The following ZCCHC10 variants were observed in gnomAD, a reference collection of about 807,000 sequenced individuals.
ZCCHC10 encodes zinc finger CCHC domain-containing protein 10.
Under a neutral mutation model 19.5 loss-of-function variants are expected in ZCCHC10, and 16 were observed. That is an observed-to-expected ratio of 0.82 (90% CI 0.56 to 1.25). The LOEUF (loss-of-function observed/expected upper bound fraction) is 1.25, where lower values mean the gene tolerates loss of function less well. Ranked by LOEUF, ZCCHC10 falls within the 50% of genes most tolerant of loss-of-function variation. ZCCHC10 has a pLI of 0.00. For missense variants in ZCCHC10, 197 were observed against 201.0 expected, an observed-to-expected ratio of 0.98 and a Z score of 0.12; for synonymous variants, 67 against 72.5, an observed-to-expected ratio of 0.92 and a Z score of 0.38.
At chr5:133,003,928 T>G (rs1237458914) in intron 3 of ZCCHC10, among the ~76,000 whole-genome samples, 1 of 152,054 alleles carries the variant, frequency 6.6e-6, no homozygotes, top group African/African-American at 2.4e-5. Context: ...CAGGATGGTC[T>G]CGAACTCCTG....
At chr5:133,001,196 T>C (rs1762748313) in intron 3 of ZCCHC10, among the ~76,000 whole-genome samples, 1 of 151,500 alleles carries the variant, frequency 6.6e-6, no homozygotes, top group Non-Finnish European at 1.5e-5. Context: ...GAGACCAGCC[T>C]GGCCAACATG....
At chr5:133,011,635 A>AC (rs1227610473) in intron 2 of ZCCHC10, among the ~76,000 whole-genome samples, 1 of 151,006 alleles carries the variant, frequency 6.6e-6, no homozygotes, top group African/African-American at 2.4e-5. Context: ...AAAAAAAAAA[A>AC]AAAAAAAAAA....
At chr5:133,026,137 G>A (rs1182698731) in intron 1 of ZCCHC10, among the ~76,000 whole-genome samples, 1 of 152,192 alleles carries the variant, frequency 6.6e-6, no homozygotes, top group Non-Finnish European at 1.5e-5. Flanking sequence ...GTTTACGTCG[G>A]CTGGAATAAA....
intron 2 of ZCCHC10, among the ~76,000 whole-genome samples, chr5:133,010,765 C>G (rs1763447177): frequency 6.6e-6 from 1 of 151,926 alleles, no homozygotes; most frequent in Non-Finnish European, 1.5e-5. Context: ...ATCACTGCAC[C>G]CAGCCACAAA....
At chr5:133,014,709 T>C (rs1763805869) in intron 2 of ZCCHC10, among the ~76,000 whole-genome samples, 1 of 152,244 alleles carries the variant, frequency 6.6e-6, no homozygotes, top group Non-Finnish European at 1.5e-5. Context: ...CATGTGGCTA[T>C]TTGCAGAAGG....
intron 2 of ZCCHC10, among the ~76,000 whole-genome samples, chr5:133,018,144 CAAAA>C (rs10602241): frequency 1.0e-4 from 10 of 96,348 alleles, no homozygotes; most frequent in African/African-American, 1.0e-4. Flanking sequence ...GAATCTGTCT[CAAAA>C]AAAAAAAAAA....
intron 2 of ZCCHC10, among the ~76,000 whole-genome samples, chr5:133,010,396 G>C (rs1451843336): frequency 6.6e-6 from 1 of 151,978 alleles, no homozygotes; most frequent in Non-Finnish European, 1.5e-5. Context: ...AATATTATAG[G>C]CTTTGTGGAA....
At chr5:133,014,590 C>T (rs1763797852) in intron 2 of ZCCHC10, among the ~76,000 whole-genome samples, 1 of 152,204 alleles carries the variant, frequency 6.6e-6, no homozygotes, top group East Asian at 1.9e-4. Context: ...GGAAGAGTTC[C>T]TCAGTCACGT....
rs1373424615 is a variant in ZCCHC10, at chr5:133,000,192, A to G, written c.270-19T>C. On this transcript the variant is annotated intron_variant, in intron 3 of 4. Coordinates refer to ENST00000509437, the MANE Select transcript of ZCCHC10 (RefSeq NM_001300816.3). The stretch of plus-strand genomic sequence containing the variant: ...TCCAATGCTGATAAACACGAGGGGG[A>G]AAAAAGCTCCTGTTAATAGAGTGAT... 5 of 1,612,640 alleles carry G rather than the reference A, an allele frequency of 3.1e-6. No homozygotes were observed. The highest frequency in any genetic ancestry group is 2.7e-5 in the African/African-American group (2 of 74,818).
chr5:133,025,516 A>AG (rs1490489922), intron 1 of ZCCHC10, among the ~76,000 whole-genome samples: 29 of 142,530 alleles, frequency 2.0e-4, no homozygotes, highest in African/African-American at 7.0e-4. Flanking sequence ...AAAAAAAAAA[A>AG]AAAAAAAAAA....
chr5:133,003,266 A>G, intron 3 of ZCCHC10: 1 of 457,280 alleles, frequency 2.2e-6, no homozygotes, highest in Non-Finnish European at 4.3e-6. Flanking sequence ...AGAAAGACTA[A>G]CCCAGAGCCC....
chr5:133,000,902 A>G (rs1329605018), intron 3 of ZCCHC10, among the ~76,000 whole-genome samples: 5 of 151,586 alleles, frequency 3.3e-5, no homozygotes, highest in African/African-American at 4.8e-5. Context: ...TGGCCTCCCA[A>G]AGTCCTGGGG....
At chr5:133,011,989 A>G (rs2126606147) in intron 2 of ZCCHC10, among the ~76,000 whole-genome samples, 1 of 151,708 alleles carries the variant, frequency 6.6e-6, no homozygotes, top group East Asian at 2.0e-4. Flanking sequence ...CTAAAACATT[A>G]TCTGAGCATG....
intron 2 of ZCCHC10, 130 bp downstream of exon 2, chr5:133,022,711 A>G (rs1432173017): frequency 2.7e-6 from 1 of 366,800 alleles, no homozygotes; most frequent in African/African-American, 2.1e-5. Context: ...TCAGCCTCCC[A>G]AAGTGCTGGG....
At chr5:133,026,449 T>G (rs767845759) in intron 1 of ZCCHC10, 48 bp downstream of exon 1, 4 of 1,607,542 alleles carry the variant, frequency 2.5e-6, no homozygotes, top group Non-Finnish European at 3.4e-6. Flanking sequence ...TGACGCGCGT[T>G]TCCCCGCTCC....
intron 2 of ZCCHC10, among the ~76,000 whole-genome samples, chr5:133,019,951 CA>C (rs34652763): frequency 1.8e-3 from 175 of 95,318 alleles, no homozygotes; most frequent in Non-Finnish European, 2.0e-3. Flanking sequence ...GACTCCAGCT[CA>C]AAAAAAAAAA....
intron 1 of ZCCHC10, 142 bp downstream of exon 1, chr5:133,026,355 G>C: frequency 8.2e-7 from 1 of 1,225,140 alleles, no homozygotes; most frequent in South Asian, 1.3e-5. Flanking sequence ...TTATCGCCCG[G>C]GCCCGAGCCC....
chr5:133,023,689 T>A (rs1438972335), intron 1 of ZCCHC10, among the ~76,000 whole-genome samples: 1 of 151,622 alleles, frequency 6.6e-6, no homozygotes, highest in Non-Finnish European at 1.5e-5. Flanking sequence ...GAGAATCACT[T>A]GAACCTGGGA....
At position 133,020,900 on chromosome 5, in the gene ZCCHC10, A is replaced by G. The variant is rs554530500; in HGVS notation, c.107+1941T>C. ...CATGCCCGGCTAATTTTTTGTATTT[A>G]TTATTTTTTTTTTCTGAGACAAGTC... On this transcript the variant is annotated intron_variant, in intron 2 of 4. Transcript: ENST00000509437. Among the ~76,000 whole-genome samples, 12 of 132,344 alleles carry G rather than the reference A, an allele frequency of 9.1e-5. 1 individual carries two copies. In the South Asian group the frequency reaches 2.7e-3, roughly 30 times the overall value. The allele number at this position is 132,344 out of a possible 152,430, so 86.8% of individuals were successfully genotyped here.
Sources: gnomAD v4.1 joint callset for allele counts (sites outside exome capture counted in the v4.1 genomes callset) on GRCh38, gnomAD v4.1.1 for gene constraint, MANE v1.5 for transcripts, NCBI Gene and HGNC (gene_info 2026-07-23, HGNC 2026-07-21) for gene names.